DCC: variants seen among roughly 807,000 people sequenced by gnomAD.
DCC encodes the protein netrin receptor DCC.
In DCC, 58 loss-of-function variants were observed where a neutral mutation model predicts 172.5. The ratio of observed to expected loss-of-function variants is 0.34; its 90% CI spans 0.27 to 0.42. DCC has a LOEUF of 0.42. Among genes scored for constraint, DCC ranks in the 10% least tolerant of loss-of-function variants. The probability of loss-of-function intolerance (pLI) is 1.00; values close to 1 mark genes in which losing one functional copy is unlikely to be tolerated. For synonymous variants in DCC, 709 were observed against 644.5 expected (o/e 1.10, Z -1.52); for missense variants, 1,740 against 1,791.0 (o/e 0.97, Z 0.51).
intron 1 of DCC, among the ~76,000 whole-genome samples, chr18:52,735,953 A>G (rs1248142164): frequency 6.6e-6 from 1 of 152,172 alleles, no homozygotes; most frequent in Non-Finnish European, 1.5e-5. Context: ...AGTAGCTAAG[A>G]GGCAGTCTAT....
At chr18:52,380,505 C>T (rs1265614880) in intron 1 of DCC, among the ~76,000 whole-genome samples, 1 of 152,070 alleles carries the variant, frequency 6.6e-6, no homozygotes, top group African/African-American at 2.4e-5. Context: ...CCATTCCCCA[C>T]ATCTCTAAAC....
chr18:52,966,451 T>A, intron 5 of DCC, among the ~76,000 whole-genome samples: 1 of 152,188 alleles, frequency 6.6e-6, no homozygotes. Context: ...AACCCTACTT[T>A]GTCCATCTCT....
At chr18:53,082,199 C>T (rs1467865389) in intron 7 of DCC, among the ~76,000 whole-genome samples, 2 of 152,084 alleles carry the variant, frequency 1.3e-5, no homozygotes, top group African/African-American at 4.8e-5. Flanking sequence ...TTTTTAACAT[C>T]ATTCTACTTT....
chr18:52,942,923 A>C (rs189034860), intron 5 of DCC, among the ~76,000 whole-genome samples: 35 of 152,350 alleles, frequency 2.3e-4, no homozygotes, highest in Admixed American at 7.8e-4. Context: ...CTGGCTTTGA[A>C]TATTGATACT....
At position 53,516,678 on chromosome 18, in the gene DCC, C is replaced by G. The variant is rs565485637; in HGVS notation, c.4112-9939C>G. Among the ~76,000 whole-genome samples, 102 of 150,516 alleles carry G rather than the reference C, an allele frequency of 6.8e-4. 1 individual carries two copies. Among genetic ancestry groups the G allele is most frequent in the African/African-American group, 2.3e-3 (91 of 39,888 alleles). On this transcript the variant is annotated intron_variant, in intron 27 of 28. Coordinates refer to ENST00000442544, the MANE Select transcript of DCC (RefSeq NM_005215.4). Reference sequence around the variant, plus strand: ...TTCTCAAAAGAACACATTTATGCAGCCAAAAAACACATGAAAAAATGCTTA... The same window carrying G: ...TTCTCAAAAGAACACATTTATGCAGGCAAAAAACACATGAAAAAATGCTTA...
chr18:53,499,469 T>C lies in DCC; in HGVS notation c.4070T>C (p.Ile1357Thr), dbSNP rs2046069328. ...TTGCTACCTCCACCAATGAGTGCAATAGAACCGAAAGTCCCTTACACACCA... is the reference window on the plus strand; with the variant it reads ...TTGCTACCTCCACCAATGAGTGCAACAGAACCGAAAGTCCCTTACACACCA... ...NPLLPPPMSAIEPKVPYTPLL... is the reference protein window; with the variant it reads ...NPLLPPPMSATEPKVPYTPLL... The change falls in exon 27 of 29, where the codon ATA becomes ACA. Residue 1357 changes from isoleucine (I) to threonine (T), a missense_variant. Around this residue, in one of 2 missense-constraint regions of DCC, gnomAD observed 1,732 missense variants for 1,767.4 expected, o/e 0.98. Coordinates refer to ENST00000442544, the MANE Select transcript of DCC (RefSeq NM_005215.4). 6.2e-7 allele frequency: 1 copy of C among 1,614,120 alleles called. No homozygotes were observed. Among genetic ancestry groups the C allele is most frequent in the Non-Finnish European group, 8.5e-7 (1 of 1,179,982 alleles).
intron 1 of DCC, among the ~76,000 whole-genome samples, chr18:52,724,833 C>A (rs1312260735): frequency 6.6e-6 from 1 of 152,318 alleles, no homozygotes; most frequent in Middle Eastern, 3.4e-3. Context: ...CCATTCTACA[C>A]AATTCCTTCC....
At position 53,450,637 on chromosome 18, in the gene DCC, C is replaced by A; in HGVS notation, c.3367C>A (p.Arg1123=). ...VVVIVAVICT[R]RSSAQQRKKR... ...GGTCATCGTGGCTGTGATTTGCACC[C>A]GACGCTCTTCAGCCCAGCAGAGAAA... The change falls in exon 23 of 29, where the codon CGA becomes AGA. Residue 1123 remains arginine, a synonymous_variant. Transcript: ENST00000442544. 5 of 1,613,680 alleles carry A rather than the reference C, an allele frequency of 3.1e-6. No homozygotes were observed. The highest frequency in any genetic ancestry group is 4.2e-6 in the Non-Finnish European group (5 of 1,179,674).
intron 3 of DCC, among the ~76,000 whole-genome samples, chr18:52,915,526 C>A (rs1436621435): frequency 6.6e-6 from 1 of 152,112 alleles, no homozygotes; most frequent in Non-Finnish European, 1.5e-5. Context: ...GAAATATTCT[C>A]TTCCTTTAAT....
intron 2 of DCC, chr18:52,809,382 T>C: frequency 6.0e-6 from 1 of 165,968 alleles, no homozygotes; most frequent in South Asian, 1.8e-4. Context: ...CTGGGGTTCT[T>C]GGCCTCATGG....
chr18:53,206,086 C>A (rs114662319), intron 10 of DCC, among the ~76,000 whole-genome samples: 2 of 10,372 alleles, frequency 1.9e-4, no homozygotes, highest in African/African-American at 2.4e-4. Context: ...TACATATATA[C>A]GTATATGTAT....
chr18:52,940,968 A>G (rs1253119001), intron 5 of DCC: 1 of 152,216 alleles, frequency 6.6e-6, no homozygotes, highest in Non-Finnish European at 1.5e-5. Context: ...GCAGTTGGAA[A>G]GGCCTCAAAG....
At chr18:53,309,151 C>T (rs1404258879) in intron 13 of DCC, among the ~76,000 whole-genome samples, 1 of 152,098 alleles carries the variant, frequency 6.6e-6, no homozygotes, top group Non-Finnish European at 1.5e-5. Context: ...GATCCTCCTG[C>T]CTCGGCCTAC....
intron 7 of DCC, among the ~76,000 whole-genome samples, chr18:53,083,678 T>C (rs1235754833): frequency 6.6e-6 from 1 of 152,166 alleles, no homozygotes; most frequent in Non-Finnish European, 1.5e-5. Flanking sequence ...TACTTCTCTT[T>C]AGAGAGCATC....
chr18:52,990,896 G>T (rs1433136893), intron 5 of DCC, among the ~76,000 whole-genome samples: 1 of 151,804 alleles, frequency 6.6e-6, no homozygotes, highest in Non-Finnish European at 1.5e-5. Context: ...ATTTCAGTGT[G>T]CCATGCATGA....
chr18:52,788,374 G>A (rs2037697842), intron 2 of DCC, among the ~76,000 whole-genome samples: 1 of 152,228 alleles, frequency 6.6e-6, no homozygotes, highest in Non-Finnish European at 1.5e-5. Flanking sequence ...GAACCAGACA[G>A]AATTGCAGAG....
intron 1 of DCC, among the ~76,000 whole-genome samples, chr18:52,485,296 A>G (rs2030161519): frequency 6.6e-6 from 1 of 152,090 alleles, no homozygotes. Context: ...ATTGTTCTTA[A>G]CTTCTTAAAA....
chr18:53,071,201 C>T (rs2042646829), intron 7 of DCC, among the ~76,000 whole-genome samples: 1 of 152,158 alleles, frequency 6.6e-6, no homozygotes, highest in Admixed American at 6.5e-5. Flanking sequence ...TCAACATAGT[C>T]TTTTATATAT....
intron 9 of DCC, among the ~76,000 whole-genome samples, chr18:53,202,753 C>A (rs2055560325): frequency 6.6e-6 from 1 of 152,122 alleles, no homozygotes; most frequent in South Asian, 2.1e-4. Flanking sequence ...AGAGCTTGTG[C>A]CTCTGGATGT....
Sources: gnomAD v4.1 joint callset for allele counts (sites outside exome capture counted in the v4.1 genomes callset) on GRCh38, gnomAD v4.1.1 for gene constraint, gnomAD v4.1.1 regional missense constraint, MANE v1.5 for transcripts, NCBI Gene and HGNC (gene_info 2026-07-23, HGNC 2026-07-21) for gene names.